AP3B2: variants seen among roughly 807,000 people sequenced by gnomAD.
AP3B2 encodes the protein AP-3 complex subunit beta-2.
A neutral mutation model predicts 126.9 loss-of-function variants in AP3B2; 50 were observed. The ratio of observed to expected loss-of-function variants is 0.39; its 90% CI spans 0.31 to 0.50. The LOEUF (loss-of-function observed/expected upper bound fraction) is 0.50, where lower values mean the gene tolerates loss of function less well. Ranked by LOEUF, AP3B2 falls within the 20% of genes least tolerant of loss-of-function variation. AP3B2 has a pLI of 0.79. For synonymous variants in AP3B2, 541 were observed against 565.0 expected (o/e 0.96, Z 0.60); for missense variants, 1,177 against 1,426.4 (o/e 0.83, Z 2.82).
chr15:82,692,889 G>A (rs968135605), intron 1 of AP3B2: 2 of 150,114 alleles, frequency 1.3e-5, no homozygotes, highest in African/African-American at 4.9e-5. Flanking sequence ...TTTTTTTTTA[G>A]ATCTCATACT....
At chr15:82,709,458 G>A (rs546684897) in intron 1 of AP3B2, 136 bp downstream of exon 1, 2 of 397,130 alleles carry the variant, frequency 5.0e-6, no homozygotes, top group South Asian at 1.0e-4. Flanking sequence ...GGCCGCAGGA[G>A]GGGGCCGGGC....
rs756390636 is a variant in AP3B2, at chr15:82,664,449, C to T, written c.2179G>A (p.Glu727Lys). The T allele has an allele frequency of 1.2e-6, 2 of 1,613,944 alleles. No individual in the cohort carries two copies. The highest frequency in any genetic ancestry group is 3.3e-5 in the Admixed American group (2 of 60,022). Residue 727 changes from glutamate to lysine, a missense_variant, in exon 19 of 27, where the codon GAG becomes AAG. Physicochemically the swap from Glu to Lys is moderately conservative, Grantham distance 56. Transcript: ENST00000535359. This position sits in a 1 kb window ranked among gnomAD's most constrained non-coding sequence, Gnocchi z 4.5. Reference protein sequence around the residue: ...ESESDSKSSSESGSGESSSES... With the variant: ...ESESDSKSSSKSGSGESSSES... Reference sequence around the variant, plus strand: ...CTGCTGGACTCCCCAGAGCCGCTCTCACTGCTGCTCTTACTGTCCGATTCA... The same window carrying T: ...CTGCTGGACTCCCCAGAGCCGCTCTTACTGCTGCTCTTACTGTCCGATTCA...
chr15:82,674,935 A>G (rs1210783330), intron 14 of AP3B2, among the ~76,000 whole-genome samples: 2 of 152,140 alleles, frequency 1.3e-5, no homozygotes, highest in Non-Finnish European at 2.9e-5. Context: ...TTATGAAAAC[A>G]TGCCAACCTC....
At position 82,666,004 on chromosome 15, in the gene AP3B2, C is replaced by T. The variant is rs774686038; in HGVS notation, c.1853-429G>A. Among the ~76,000 whole-genome samples, 7 of 152,212 alleles carry T rather than the reference C, an allele frequency of 4.6e-5. No individual in the cohort carries two copies. The South Asian group carries it at 8.3e-4, about 18-fold the overall frequency. ...ACAGGCCTGTGAGTGAGGATGGTGT[C>T]GGGGAGAAAGGGACTGTTGCCTTCT... On this transcript the variant is annotated intron_variant, in intron 15 of 26. Transcript: ENST00000535359.
intron 1 of AP3B2, chr15:82,690,014 A>C (rs540910383): frequency 6.5e-6 from 1 of 154,376 alleles, no homozygotes; most frequent in South Asian, 2.0e-4. Flanking sequence ...ACACAGGGAG[A>C]CTACCATGTG....
intron 2 of AP3B2, 49 bp from the exon 3 acceptor site, chr15:82,689,281 A>G (rs1253491874): frequency 6.2e-7 from 1 of 1,612,358 alleles, no homozygotes; most frequent in African/African-American, 1.3e-5. Flanking sequence ...CGAGAGGCAC[A>G]GCACTAACTA....
At chr15:82,659,770 G>T in intron 26 of AP3B2, 60 bp from the exon 27 acceptor site, 1 of 1,609,474 alleles carries the variant, frequency 6.2e-7, no homozygotes. Context: ...TTTGGAAGGG[G>T]ATCAGCAGCT....
intron 15 of AP3B2, among the ~76,000 whole-genome samples, chr15:82,666,188 A>G (rs2048054673): frequency 1.3e-5 from 2 of 152,130 alleles, no homozygotes; most frequent in African/African-American, 4.8e-5. Flanking sequence ...GGGCCCGGAG[A>G]AGCAGCGGGA....
chr15:82,660,969 C>G (rs775256778), intron 25 of AP3B2, among the ~76,000 whole-genome samples: 1 of 152,172 alleles, frequency 6.6e-6, no homozygotes, highest in East Asian at 1.9e-4. Context: ...GACCCTCTCT[C>G]CCTCAGGTTG....
In AP3B2 at chr15:82,665,180, C is replaced by T; in HGVS notation, c.2028+67G>A. ...AGTATGGGAAGGCCCAGGAGCACAA[C>T]ACACAGGGGAAGAAGAGGGACACAG... On this transcript the variant is annotated intron_variant, in intron 17 of 26. Coordinates refer to ENST00000535359, the MANE Select transcript of AP3B2 (RefSeq NM_001278512.2). The surrounding 1 kb of genome is among the most constrained non-coding windows in gnomAD (Gnocchi z 4.4). 1 of 1,494,688 alleles carries T rather than the reference C, an allele frequency of 6.7e-7. No homozygotes were observed. Among genetic ancestry groups the T allele is most frequent in the Non-Finnish European group, 9.0e-7 (1 of 1,109,876 alleles). 92.6% of individuals were successfully genotyped at this position (1,494,688 alleles called of 1,614,324 possible).
chr15:82,709,617 G>T lies in AP3B2; in HGVS notation c.90C>A (p.Gly30=). ...ACCGCTTGTAGTCGGAGGAGAAGAT[G>T]CCGCCGCTCGCGGGGTCGTGGCCGT... is the stretch of plus-strand genomic sequence containing the variant. ...PEYGHDPASG[G]IFSSDYKRHD... is the part of the protein sequence containing the mutation. Residue 30 remains glycine (G), a synonymous_variant, in exon 1 of 27, where the codon GGC becomes GGA. Transcript: ENST00000535359. 1.3e-6 allele frequency: 2 copies of T among 1,513,722 alleles called. No individual in the cohort carries two copies. Among genetic ancestry groups the T allele is most frequent in the Non-Finnish European group, 1.8e-6 (2 of 1,132,982 alleles). 93.8% of individuals were successfully genotyped at this position (1,513,722 alleles called of 1,614,324 possible).
Position 82,663,986 on chromosome 15 carries a change from G to A in AP3B2, c.2262-11C>T. Reference sequence around the variant, plus strand: ...TCCTCACTCTGTTCACTGAAGGAGTGGGAAAGGTTGGCTCAGGCCTGGCCT... The same window carrying A: ...TCCTCACTCTGTTCACTGAAGGAGTAGGAAAGGTTGGCTCAGGCCTGGCCT... On this transcript the variant is annotated splice_polypyrimidine_tract_variant and intron_variant, in intron 19 of 26. Coordinates refer to ENST00000535359, the MANE Select transcript of AP3B2 (RefSeq NM_001278512.2). The A allele has an allele frequency of 6.3e-7, 1 of 1,599,120 alleles. No homozygotes were observed. Among genetic ancestry groups the A allele is most frequent in the Non-Finnish European group, 8.5e-7 (1 of 1,178,398 alleles).
In AP3B2 at chr15:82,709,731, A is replaced by G; in HGVS notation, c.-25T>C. Reference sequence around the variant, plus strand: ...TGGGGCGGCCAGGGAGACTTCGCCGAGGAGGAGGTTGCGGGGCCGGAGGCC... The same window carrying G: ...TGGGGCGGCCAGGGAGACTTCGCCGGGGAGGAGGTTGCGGGGCCGGAGGCC... On this transcript the variant is annotated 5_prime_UTR_variant, in exon 1 of 27. Transcript: ENST00000535359. 2 of 1,451,140 alleles carry G rather than the reference A, an allele frequency of 1.4e-6. No homozygotes were observed. The highest frequency in any genetic ancestry group is 1.8e-6 in the Non-Finnish European group (2 of 1,098,010). The allele number at this position is 1,451,140 out of a possible 1,614,324, so 89.9% of individuals were successfully genotyped here. A position where few individuals can be genotyped will look rare whatever the true frequency, so the allele number is the denominator to read the frequency against.
intron 14 of AP3B2, among the ~76,000 whole-genome samples, chr15:82,671,031 C>A (rs1442121675): frequency 6.6e-6 from 1 of 152,200 alleles, no homozygotes; most frequent in Non-Finnish European, 1.5e-5. Context: ...TGCCTGTAAT[C>A]CCAGTACTTT....
Position 82,693,208 on chromosome 15 carries a change from G to A in AP3B2, c.114-3755C>T, listed in dbSNP as rs1030536339. ...CCCCCGCCCCCACCCCCCCGCCCCC[G>A]CCCCACTTAAATAAATGCTATTGGG... is the stretch of plus-strand genomic sequence containing the variant. On this transcript the variant is annotated intron_variant, in intron 1 of 26. Transcript: ENST00000535359. Among the ~76,000 whole-genome samples, 12 of 36,292 alleles carry A rather than the reference G, an allele frequency of 3.3e-4. No homozygotes were observed. The East Asian group carries it at 7.1e-3, about 21-fold the overall frequency. The allele number at this position is 36,292 out of a possible 152,430, so 23.8% of individuals were successfully genotyped here. A position where few individuals can be genotyped will look rare whatever the true frequency, so the allele number is the denominator to read the frequency against.
chr15:82,665,296 T>A lies in AP3B2; in HGVS notation c.1979A>T (p.Asp660Val), dbSNP rs553274497. Reference sequence around the variant, plus strand: ...CACGTGAGTCTCAATAAGGGAGAGATCTTCTTCCTGTGTGTGTGGGGGAGG... The same window carrying A: ...CACGTGAGTCTCAATAAGGGAGAGAACTTCTTCCTGTGTGTGTGGGGGAGG... ...DPSVRNVEEE[D>V]LSLIETHVGL... The change falls in exon 17 of 27, where the codon GAT (aspartate) becomes GTT (valine). Residue 660 changes from aspartate (D) to valine (V), a missense_variant. Asp to Val is a radical substitution (Grantham distance 152). Coordinates refer to ENST00000535359, the MANE Select transcript of AP3B2 (RefSeq NM_001278512.2). This position sits in a 1 kb window ranked among gnomAD's most constrained non-coding sequence, Gnocchi z 4.4. The A allele has an allele frequency of 9.0e-6, 14 of 1,558,918 alleles. No individual in the cohort carries two copies. The highest frequency in any genetic ancestry group is 1.2e-5 in the Non-Finnish European group (14 of 1,159,912).
rs372987963 is a variant in AP3B2 at position 82,681,707 on chromosome 15, C to T, written c.361-127G>A. The T allele has an allele frequency of 3.0e-4, 327 of 1,078,440 alleles. 1 individual carries two copies. The African/African-American group carries it at 4.8e-3, about 16-fold the overall frequency. The allele number at this position is 1,078,440 out of a possible 1,614,324, so 66.8% of individuals were successfully genotyped here. A position where few individuals can be genotyped will look rare whatever the true frequency, so the allele number is the denominator to read the frequency against. On this transcript the variant is annotated intron_variant, in intron 4 of 26. Transcript: ENST00000535359. The surrounding 1 kb of genome is among the most constrained non-coding windows in gnomAD (Gnocchi z 4.0). ...TTGCTTCCCTGCCGCTTGACTGGAG[C>T]CTGGATGGTGTGCCAGTGATGGGTA...
intron 14 of AP3B2, 63 bp from the exon 15 acceptor site, chr15:82,666,996 C>G: frequency 6.6e-7 from 1 of 1,518,282 alleles, no homozygotes; most frequent in Non-Finnish European, 9.0e-7. Flanking sequence ...GGCTCAGAAA[C>G]AGATTCTTTA....
Position 82,677,674 on chromosome 15 carries a change from C to T in AP3B2, c.1375G>A (p.Asp459Asn), listed in dbSNP as rs2048265821. Residue 459 changes from aspartate to asparagine, a missense_variant, in exon 12 of 27, where the codon GAT (aspartate) becomes AAT (asparagine). Physicochemically the swap from Asp to Asn is conservative, Grantham distance 23. Coordinates refer to ENST00000535359, the MANE Select transcript of AP3B2 (RefSeq NM_001278512.2). Reference sequence around the variant, plus strand: ...AGACACTCAGGGAAACACTGACCATCACGGTTGGACAGCAGCTGCACCAGG... The same window carrying T: ...AGACACTCAGGGAAACACTGACCATTACGGTTGGACAGCAGCTGCACCAGG... ...NGLVQLLSNR[D>N]ELVVAESVVV... 6.5e-7 allele frequency: 1 copy of T among 1,545,854 alleles called. No individual in the cohort carries two copies. Among genetic ancestry groups the T allele is most frequent in the Non-Finnish European group, 8.7e-7 (1 of 1,145,366 alleles).
Sources: allele counts gnomAD v4.1 joint callset (sites outside exome capture counted in the v4.1 genomes callset), GRCh38; gene constraint gnomAD v4.1.1; non-coding constraint Gnocchi (gnomAD v3.1); transcripts MANE v1.5; gene names NCBI Gene and HGNC (gene_info 2026-07-23, HGNC 2026-07-21).